Variants in EFTUD2 observed in about 807,000 individuals in gnomAD.
EFTUD2 encodes the protein elongation factor Tu GTP binding domain containing 2, also known as 116 kDa U5 small nuclear ribonucleoprotein component.
Under a neutral mutation model 114.3 loss-of-function variants are expected in EFTUD2, and 9 were observed. The ratio of observed to expected loss-of-function variants is 0.08; its 90% confidence interval spans 0.05 to 0.14. The LOEUF (loss-of-function observed/expected upper bound fraction) is 0.14, where lower values mean the gene tolerates loss of function less well. Among genes scored for constraint, EFTUD2 ranks in the 10% least tolerant of loss-of-function variants. The probability of loss-of-function intolerance (pLI) is 1.00; values close to 1 mark genes in which losing one functional copy is unlikely to be tolerated. For synonymous variants in EFTUD2, 449 were observed against 462.3 expected (o/e 0.97, Z 0.37); for missense variants, 765 against 1,241.2 (o/e 0.62, Z 5.76).
Position 44,885,323 on chromosome 17 carries a change from T to G in EFTUD2, c.283A>C (p.Lys95Gln). ...GTGAATTTCTTGGTTTTCACTGGCTTAATAATGGGTTCTAGAAGAAAAAAA... is the reference window on the plus strand; with the variant it reads ...GTGAATTTCTTGGTTTTCACTGGCTGAATAATGGGTTCTAGAAGAAAAAAA... ...DTQPLTEPII[K>Q]PVKTKKFTLM... is the part of the protein sequence containing the mutation. Residue 95 changes from lysine (K) to glutamine (Q), a missense_variant, in exon 4 of 28, where the codon AAG becomes CAG. Transcript: ENST00000426333. 1 of 1,613,066 alleles carries G rather than the reference T, an allele frequency of 6.2e-7. No homozygotes were observed. Among genetic ancestry groups the G allele is most frequent in the Non-Finnish European group, 8.5e-7 (1 of 1,179,168 alleles).
intron 15 of EFTUD2, 53 bp downstream of exon 15, chr17:44,863,602 C>T: frequency 6.3e-7 from 1 of 1,587,166 alleles, no homozygotes; most frequent in Non-Finnish European, 8.6e-7. Context: ...TCAGTATCCC[C>T]ACACAGGAAG....
At chr17:44,863,192 T>A (rs546481028) in intron 15 of EFTUD2, 12 of 315,506 alleles carry the variant, frequency 3.8e-5, no homozygotes, top group Non-Finnish European at 5.8e-5. Flanking sequence ...CAAGATTACT[T>A]ACTGTCCCAA....
rs1561970 is a variant in EFTUD2, at chr17:44,883,256, G to A, written c.427-98C>T. 0.27 allele frequency: 297,769 copies of A among 1,103,590 alleles called. 41,126 individuals carry two copies. The highest frequency in any genetic ancestry group is 0.28 in the South Asian group (20,441 of 72,540). 68.4% of individuals were successfully genotyped at this position (1,103,590 alleles called of 1,614,324 possible). A position where few individuals can be genotyped will look rare whatever the true frequency, so the allele number is the denominator to read the frequency against. ...ATACACCACATAATTTAGGGATAAG[G>A]AGAGAAAAAGGAGAGCAAGGAGGGT... On this transcript the variant is annotated intron_variant, in intron 5 of 27. Transcript: ENST00000426333.
At chr17:44,864,548 G>A (rs941297283) in intron 14 of EFTUD2, among the ~76,000 whole-genome samples, 3 of 152,092 alleles carry the variant, frequency 2.0e-5, no homozygotes, top group Non-Finnish European at 4.4e-5. Flanking sequence ...GCTGTATCAC[G>A]TGCCTTCTGT....
In EFTUD2 at chr17:44,859,088, C is replaced by A; in HGVS notation, c.1954G>T (p.Asp652Tyr). 1.2e-6 allele frequency: 2 copies of A among 1,610,724 alleles called. No individual in the cohort carries two copies. The highest frequency in any genetic ancestry group is 4.5e-5 in the East Asian group (2 of 44,874). ...GGCAGATACTGCTGTACCTTGATGT[C>A]TATCTCTGAGTACATCTTCCGCAAA... is the stretch of plus-strand genomic sequence containing the variant. ...HDLRKMYSEI[D>Y]IKVADPVVTF... The change falls in exon 19 of 28, where the codon GAC (aspartate) becomes TAC (tyrosine). Residue 652 changes from aspartate (D) to tyrosine (Y), a missense_variant. Physicochemically the swap from Asp to Tyr is radical, Grantham distance 160. Around this residue, in one of 6 missense-constraint regions of EFTUD2, gnomAD observed 149 missense variants for 245.1 expected, o/e 0.61. Coordinates refer to ENST00000426333, the MANE Select transcript of EFTUD2 (RefSeq NM_004247.4).
chr17:44,863,451 G>A (rs759437366), intron 15 of EFTUD2: 7 of 589,092 alleles, frequency 1.2e-5, no homozygotes, highest in Non-Finnish European at 1.7e-5. Flanking sequence ...CCAAGGCCTT[G>A]AGGCTCAGGA....
At chr17:44,892,920 A>G (rs973100189) in intron 2 of EFTUD2, among the ~76,000 whole-genome samples, 9 of 151,794 alleles carry the variant, frequency 5.9e-5, no homozygotes, top group Admixed American at 5.9e-4. Flanking sequence ...AAGCCACCAC[A>G]CCTGACTGTA....
At chr17:44,865,116 T>G (rs1056267313) in intron 13 of EFTUD2, 51 bp from the exon 14 acceptor site, 23 of 1,599,746 alleles carry the variant, frequency 1.4e-5, no homozygotes, top group Non-Finnish European at 2.0e-5. Flanking sequence ...CTGAGCATGG[T>G]GCTAGAGGGA....
At chr17:44,882,446 G>C (rs1466669532) in intron 6 of EFTUD2, among the ~76,000 whole-genome samples, 1 of 152,006 alleles carries the variant, frequency 6.6e-6, no homozygotes, top group Non-Finnish European at 1.5e-5. Context: ...AGTAGAGATA[G>C]AGTTTCGCCA....
intron 26 of EFTUD2, 63 bp from the exon 27 acceptor site, chr17:44,851,880 C>G: frequency 7.4e-7 from 1 of 1,347,252 alleles, no homozygotes; most frequent in South Asian, 1.3e-5. Context: ...GGCCCAGAAG[C>G]AGGACTCTTC....
chr17:44,885,432 T>A, intron 3 of EFTUD2, 98 bp from the exon 4 acceptor site: 1 of 830,030 alleles, frequency 1.2e-6, no homozygotes, highest in Non-Finnish European at 2.0e-6. Context: ...ATGTATGATG[T>A]ATGACATCAA....
intron 3 of EFTUD2, among the ~76,000 whole-genome samples, chr17:44,885,949 C>A (rs1220324606): frequency 6.6e-6 from 1 of 151,876 alleles, no homozygotes; most frequent in Non-Finnish European, 1.5e-5. Context: ...ATTAAATGGA[C>A]AATAAGGCTG....
chr17:44,859,705 CTTGTT>C (rs1482580413), intron 18 of EFTUD2, 195 bp downstream of exon 18: 4 of 773,112 alleles, frequency 5.2e-6, no homozygotes, highest in Non-Finnish European at 8.3e-6. Context: ...CTACACAGGT[CTTGTT>C]TTAACACACA....
intron 13 of EFTUD2, chr17:44,865,327 G>GC: frequency 2.7e-6 from 1 of 376,466 alleles, no homozygotes; most frequent in Non-Finnish European, 4.8e-6. Flanking sequence ...TCCCAGTGCT[G>GC]CCCCCTGGTG....
At chr17:44,857,243 T>G in intron 19 of EFTUD2, 86 bp from the exon 20 acceptor site, 1 of 1,130,036 alleles carries the variant, frequency 8.8e-7, no homozygotes, top group South Asian at 1.3e-5. Context: ...AGAAGCTCCC[T>G]TGACACTACC....
chr17:44,883,747 A>G (rs773246431), intron 4 of EFTUD2, 23 bp from the exon 5 acceptor site: 2 of 1,612,628 alleles, frequency 1.2e-6, no homozygotes, highest in South Asian at 2.2e-5. Context: ...AGGAAAAGAG[A>G]AAAGAGAGAT....
intron 2 of EFTUD2, among the ~76,000 whole-genome samples, chr17:44,887,285 GT>G (rs756275113): frequency 3.3e-5 from 5 of 152,120 alleles, no homozygotes; most frequent in Admixed American, 6.5e-5. Flanking sequence ...TCAACACAGA[GT>G]TACATATGAC....
In EFTUD2 at chr17:44,879,482, T is replaced by C. The variant is rs1333643839; in HGVS notation, c.702+74A>G. The C allele has an allele frequency of 2.7e-6, 4 of 1,459,306 alleles. No homozygotes were observed. The African/African-American group carries it at 4.2e-5, about 15-fold the overall frequency. 90.4% of individuals were successfully genotyped at this position (1,459,306 alleles called of 1,614,324 possible). A position where few individuals can be genotyped will look rare whatever the true frequency, so the allele number is the denominator to read the frequency against. On this transcript the variant is annotated intron_variant, in intron 9 of 27. Transcript: ENST00000426333. Reference sequence around the variant, plus strand: ...GTTCTCTGGCTCCCAGCTCACTCAGTGCTCTGGGTATTGTTGCGGGGTGGG... The same window carrying C: ...GTTCTCTGGCTCCCAGCTCACTCAGCGCTCTGGGTATTGTTGCGGGGTGGG...
At chr17:44,852,164 G>A (rs994290437) in intron 26 of EFTUD2, among the ~76,000 whole-genome samples, 12 of 151,566 alleles carry the variant, frequency 7.9e-5, no homozygotes, top group Admixed American at 5.3e-4. Context: ...TGACCTGCCC[G>A]CCTCAGCCTC....
Sources: allele counts gnomAD v4.1 joint callset (sites outside exome capture counted in the v4.1 genomes callset), GRCh38; gene constraint gnomAD v4.1.1; regional missense constraint gnomAD v4.1.1; transcripts MANE v1.5; gene names NCBI Gene and HGNC (gene_info 2026-07-23, HGNC 2026-07-21).